The following UNC13C variants were observed in gnomAD, a reference collection of about 807,000 sequenced individuals.
UNC13C encodes protein unc-13 homolog C.
UNC13C carries 174 observed loss-of-function variants against 245.4 expected under a neutral mutation model. The ratio of observed to expected loss-of-function variants is 0.71; its 90% CI spans 0.63 to 0.80. UNC13C has a LOEUF of 0.80. UNC13C is among the 30% of genes least tolerant of loss of function. The probability of loss-of-function intolerance (pLI) is 0.00; values close to 1 mark genes in which losing one functional copy is unlikely to be tolerated. For missense variants in UNC13C, 2,829 were observed against 2,602.9 expected, an observed-to-expected ratio of 1.09 and a Z score of -1.89; for synonymous variants, 992 against 895.1, an observed-to-expected ratio of 1.11 and a Z score of -1.93.
Position 54,375,312 on chromosome 15 carries a change from T to G in UNC13C, c.4714-17736T>G, listed in dbSNP as rs564601226. On this transcript the variant is annotated intron_variant, in intron 17 of 32. Coordinates refer to ENST00000260323, the MANE Select transcript of UNC13C (RefSeq NM_001080534.3). ...TAAACTTGGATTTTTTAATATCATT[T>G]TTCTCTGAATGCAGTGTTGAAATAA... 1.6e-4 allele frequency among the ~76,000 whole-genome samples: 24 copies of G among 152,342 alleles called. 1 individual carries two copies. In the East Asian group the frequency reaches 2.5e-3, roughly 16 times the overall value.
chr15:54,332,145 G>C, intron 15 of UNC13C, 34 bp downstream of exon 15: 1 of 1,423,336 alleles, frequency 7.0e-7, no homozygotes, highest in Non-Finnish European at 9.5e-7. Context: ...AAAGAAAACT[G>C]TTGTTTGGTC....
intron 2 of UNC13C, chr15:54,049,135 T>A: frequency 2.6e-6 from 1 of 384,694 alleles, no homozygotes; most frequent in Non-Finnish European, 5.2e-6. Flanking sequence ...ATTGCATCCT[T>A]ACGAGGAAGA....
At chr15:54,543,571 G>A (rs1036506069) in intron 26 of UNC13C, among the ~76,000 whole-genome samples, 1 of 151,734 alleles carries the variant, frequency 6.6e-6, no homozygotes, top group Non-Finnish European at 1.5e-5. Flanking sequence ...GAAAAAAAGA[G>A]AGAAGAATCA....
chr15:54,604,515 C>T (rs1294589276), intron 30 of UNC13C, among the ~76,000 whole-genome samples: 1 of 152,144 alleles, frequency 6.6e-6, no homozygotes, highest in African/African-American at 2.4e-5. Flanking sequence ...ATACCTCTTT[C>T]CTCAAGGGGC....
intron 2 of UNC13C, among the ~76,000 whole-genome samples, chr15:54,102,738 C>A (rs368538981): frequency 6.6e-6 from 1 of 152,236 alleles, no homozygotes; most frequent in African/African-American, 2.4e-5. Flanking sequence ...TCTTCCTCTG[C>A]GTCTCTCTTT....
intron 19 of UNC13C, chr15:54,416,742 T>G (rs1215178427): frequency 1.2e-5 from 4 of 333,824 alleles, no homozygotes; most frequent in Non-Finnish European, 2.4e-5. Context: ...CTGAAGATTT[T>G]TAGGGTCTGT....
intron 30 of UNC13C, among the ~76,000 whole-genome samples, chr15:54,613,499 CTG>C (rs1219175528): frequency 3.3e-5 from 5 of 151,788 alleles, no homozygotes; most frequent in Admixed American, 2.6e-4. Flanking sequence ...TGAAATAAAA[CTG>C]TACAATGATA....
At chr15:53,883,096 A>G in the UNC13C span, among the ~76,000 whole-genome samples, 1 of 152,200 alleles carries the variant, frequency 6.6e-6, no homozygotes, top group Admixed American at 6.5e-5. Context: ...TGGGAAGAGC[A>G]CTATAGCTAC....
intron 17 of UNC13C, among the ~76,000 whole-genome samples, chr15:54,392,520 G>T (rs2039979541): frequency 1.3e-5 from 2 of 151,958 alleles, no homozygotes; most frequent in South Asian, 4.1e-4. Context: ...TATAGTGTGG[G>T]ATTTAACAGT....
At chr15:54,601,583 G>T (rs1899429087) in intron 30 of UNC13C, among the ~76,000 whole-genome samples, 1 of 152,120 alleles carries the variant, frequency 6.6e-6, no homozygotes, top group African/African-American at 2.4e-5. Flanking sequence ...AATTAACTTT[G>T]ACTCTGTCAG....
chr15:54,023,721 A>AT (rs1437386641), intron 2 of UNC13C, among the ~76,000 whole-genome samples: 2 of 152,216 alleles, frequency 1.3e-5, no homozygotes, highest in Non-Finnish European at 2.9e-5. Flanking sequence ...TAAGACTGGA[A>AT]TACCTGTATT....
At chr15:53,898,895 C>A in the UNC13C span, among the ~76,000 whole-genome samples, 19 of 152,234 alleles carry the variant, frequency 1.2e-4, no homozygotes, top group African/African-American at 3.6e-4. Context: ...TCCCAGAACT[C>A]ATTCATCTTG....
At position 54,433,420 on chromosome 15, in the gene UNC13C, T is replaced by G. The variant is rs534175769; in HGVS notation, c.4933+18353T>G. Among the ~76,000 whole-genome samples, 9 of 152,258 alleles carry G rather than the reference T, an allele frequency of 5.9e-5. No homozygotes were observed. The East Asian group carries it at 1.7e-3, about 29-fold the overall frequency. Reference sequence around the variant, plus strand: ...CAGTTTCATCCCTGGGATGCAAGTCTGGTTCAACATATGCAAATCAATGAA... The same window carrying G: ...CAGTTTCATCCCTGGGATGCAAGTCGGGTTCAACATATGCAAATCAATGAA... On this transcript the variant is annotated intron_variant, in intron 19 of 32. Transcript: ENST00000260323.
At chr15:54,382,229 C>T (rs1441709769) in intron 17 of UNC13C, among the ~76,000 whole-genome samples, 1 of 152,054 alleles carries the variant, frequency 6.6e-6, no homozygotes, top group Non-Finnish European at 1.5e-5. Context: ...TTAATTTCTG[C>T]AGGACATAGC....
chr15:54,447,166 G>A (rs1282044305), intron 19 of UNC13C, among the ~76,000 whole-genome samples: 1 of 152,164 alleles, frequency 6.6e-6, no homozygotes, highest in African/African-American at 2.4e-5. Context: ...GGATAAGCTT[G>A]TTGATATGCT....
intron 2 of UNC13C, among the ~76,000 whole-genome samples, chr15:54,138,687 T>G (rs1178464485): frequency 6.6e-6 from 1 of 152,026 alleles, no homozygotes; most frequent in Non-Finnish European, 1.5e-5. Context: ...TAACATATTT[T>G]TTAGTATTTA....
intron 2 of UNC13C, among the ~76,000 whole-genome samples, chr15:54,020,217 T>G (rs1895834079): frequency 1.3e-5 from 2 of 152,008 alleles, no homozygotes; most frequent in South Asian, 4.2e-4. Context: ...TTCCCCCTTT[T>G]TAAACTTGAA....
rs2034209664 is a variant in UNC13C, at chr15:54,192,248, T to C, written c.3072-42782T>C. 3.9e-5 allele frequency among the ~76,000 whole-genome samples: 6 copies of C among 152,318 alleles called. No individual in the cohort carries two copies. The South Asian group carries it at 1.2e-3, about 32-fold the overall frequency. ...TTTTATATTTAGGGAATATTCTTTC[T>C]TGTCATTTGTTTTTTCATCTCTTCT... On this transcript the variant is annotated intron_variant, in intron 4 of 32. Transcript: ENST00000260323.
intron 5 of UNC13C, 92 bp downstream of exon 5, chr15:54,235,200 T>A: frequency 9.6e-7 from 1 of 1,044,286 alleles, no homozygotes; most frequent in Non-Finnish European, 1.4e-6. Flanking sequence ...GTCTAGCCTG[T>A]AAATATTCCA....
Sources: gnomAD v4.1 joint callset for allele counts (sites outside exome capture counted in the v4.1 genomes callset) on GRCh38, gnomAD v4.1.1 for gene constraint, MANE v1.5 for transcripts, NCBI Gene and HGNC (gene_info 2026-07-23, HGNC 2026-07-21) for gene names.